TTC34: variants seen among roughly 807,000 people sequenced by gnomAD.
The protein encoded by TTC34 is tetratricopeptide repeat domain 34.
In TTC34, 44 loss-of-function variants were observed where a neutral mutation model predicts 40.7. The ratio of observed to expected loss-of-function variants is 1.08; its 90% confidence interval spans 0.85 to 1.39. TTC34 has a LOEUF of 1.39. TTC34 is among the 40% of genes most tolerant of loss of function. The pLI, the probability that TTC34 is intolerant of heterozygous loss-of-function variation, is 0.00. For missense variants in TTC34, 884 were observed against 838.0 expected (o/e 1.05, Z -0.68); for synonymous variants, 422 against 398.6 (o/e 1.06, Z -0.70).
At chr1:2,691,635 C>A (rs929162866) in intron 6 of TTC34, among the ~76,000 whole-genome samples, 1 of 116,068 alleles carries the variant, frequency 8.6e-6, no homozygotes, top group African/African-American at 3.1e-5. Flanking sequence ...CCCAGGTGCG[C>A]ACGTGACAGC....
chr1:2,677,889 C>T lies in TTC34; in HGVS notation c.2227-32326G>A, dbSNP rs1405519382. On this transcript the variant is annotated intron_variant, in intron 6 of 8. Transcript: ENST00000401095. The stretch of plus-strand genomic sequence containing the variant: ...ATCAGACAGCCTGGAACCGCAGCCA[C>T]ACCCCCAGGCGAGCATCTGACAGCC... Among the ~76,000 whole-genome samples the T allele has an allele frequency of 5.6e-4, 19 of 33,744 alleles. 8 individuals are homozygous for T. The highest frequency in any genetic ancestry group is 6.9e-4 in the Non-Finnish European group (14 of 20,334). 22.1% of individuals were successfully genotyped at this position (33,744 alleles called of 152,430 possible). A position where few individuals can be genotyped will look rare whatever the true frequency, so the allele number is the denominator to read the frequency against.
At position 2,698,972 on chromosome 1, in the gene TTC34, C is replaced by T. The variant is rs540533483; in HGVS notation, c.2227-53409G>A. ...ACAGCCTGGAACATCACCCTGCCCC[C>T]CCAGGTGAGCATCTGACAGCCTGGA... On this transcript the variant is annotated intron_variant, in intron 6 of 8. Transcript: ENST00000401095. Among the ~76,000 whole-genome samples, 13 of 145,902 alleles carry T rather than the reference C, an allele frequency of 8.9e-5. 4 individuals carry two copies. Among genetic ancestry groups the T allele is most frequent in the Middle Eastern group, 7.7e-3 (2 of 260 alleles).
chr1:2,752,537 G>A (rs1641357918), intron 6 of TTC34, among the ~76,000 whole-genome samples: 1 of 125,180 alleles, frequency 8.0e-6, no homozygotes, highest in African/African-American at 3.4e-5. Flanking sequence ...CACATCCCCA[G>A]GTGAGCATCT....
chr1:2,749,475 C>T (rs1641246932), intron 6 of TTC34, among the ~76,000 whole-genome samples: 2 of 109,942 alleles, frequency 1.8e-5, no homozygotes, highest in Non-Finnish European at 1.8e-5. Flanking sequence ...CCTGGAACAG[C>T]ACCCACATCC....
intron 6 of TTC34, among the ~76,000 whole-genome samples, chr1:2,777,804 G>T (rs534608570): frequency 3.9e-5 from 6 of 152,262 alleles, no homozygotes; most frequent in South Asian, 4.1e-4. Flanking sequence ...CAACGTCCTG[G>T]CTGACTTTCC....
intron 6 of TTC34, among the ~76,000 whole-genome samples, chr1:2,688,162 C>CCTG (rs1640454069): frequency 6.6e-6 from 1 of 152,140 alleles, no homozygotes; most frequent in African/African-American, 2.4e-5. Context: ...GGAAGGGCAC[C>CCTG]CACACCCCCA....
In TTC34 at chr1:2,748,878, C is replaced by G. The variant is rs1488284151; in HGVS notation, c.2226+34731G>C. Among the ~76,000 whole-genome samples the G allele has an allele frequency of 4.6e-5, 6 of 131,076 alleles. 1 individual carries two copies. The highest frequency in any genetic ancestry group is 4.7e-5 in the Non-Finnish European group (3 of 63,928). 86.0% of individuals were successfully genotyped at this position (131,076 alleles called of 152,430 possible). On this transcript the variant is annotated intron_variant, in intron 6 of 8. Coordinates refer to ENST00000401095, the Ensembl canonical transcript of TTC34. ...ATCTGATGCTTTGGAGCAGCACCCA[C>G]ACCTTCAGGTGAGCATCTGACAGCC...
At position 2,751,365 on chromosome 1, in the gene TTC34, AC is replaced by A. The variant is rs1641313028; in HGVS notation, c.2226+32243del. Among the ~76,000 whole-genome samples the A allele has an allele frequency of 1.2e-4, 17 of 147,540 alleles. 1 individual carries two copies. The highest frequency in any genetic ancestry group is 2.2e-4 in the Non-Finnish European group (15 of 67,336). The stretch of plus-strand genomic sequence containing the variant: ...TCTGACAGCCTGGGTCGGCACCCAC[AC>A]CCCCAGGTGCGCATCTGATGGTCTG... On this transcript the variant is annotated intron_variant, in intron 6 of 8. Coordinates refer to ENST00000401095, the Ensembl canonical transcript of TTC34.
chr1:2,774,705 C>A (rs1642905768), intron 6 of TTC34: 2 of 107,522 alleles, frequency 1.9e-5, no homozygotes, highest in African/African-American at 3.8e-5. Context: ...CACCCACACC[C>A]CCAGGTGAGC....
intron 6 of TTC34, among the ~76,000 whole-genome samples, chr1:2,691,271 A>G (rs1640605004): frequency 1.1e-5 from 1 of 89,422 alleles, no homozygotes; most frequent in Non-Finnish European, 2.6e-5. Context: ...CCCCCAGGTG[A>G]GAATCCGACA....
At chr1:2,688,084 G>C (rs1178021780) in intron 6 of TTC34, among the ~76,000 whole-genome samples, 157 of 133,504 alleles carry the variant, frequency 1.2e-3, no homozygotes, top group African/African-American at 4.5e-3. Context: ...ACAGCACCCT[G>C]CACCCCCAGG....
intron 6 of TTC34, among the ~76,000 whole-genome samples, chr1:2,681,625 C>T (rs1160156762): frequency 9.2e-5 from 7 of 76,032 alleles, no homozygotes; most frequent in African/African-American, 3.1e-4. Context: ...CGCAGCCACA[C>T]CCCCAGCGAG....
At chr1:2,695,758 C>T (rs563680365) in intron 6 of TTC34, among the ~76,000 whole-genome samples, 118 of 144,176 alleles carry the variant, frequency 8.2e-4, no homozygotes, top group Non-Finnish European at 1.2e-3. Context: ...ACCCACACCC[C>T]CAGGTGAGCA....
intron 6 of TTC34, among the ~76,000 whole-genome samples, chr1:2,660,309 AC>A (rs1451104351): frequency 2.1e-5 from 3 of 142,384 alleles, no homozygotes; most frequent in South Asian, 4.5e-4. Context: ...AGCACCCTGC[AC>A]CCCCAGGTGA....
At position 2,796,080 on chromosome 1, in the gene TTC34, T is replaced by C. The variant is rs1643707598; in HGVS notation, c.784+3964A>G. ...CTTTCGCCTCTTTGCTCTTCTGTCT[T>C]GTGCCAAGTGAGGATGCAGCATTCA... On this transcript the variant is annotated intron_variant, in intron 2 of 8. Transcript: ENST00000401095. The surrounding 1 kb of genome is among the most constrained non-coding windows in gnomAD (Gnocchi z 4.5). 6.6e-6 allele frequency among the ~76,000 whole-genome samples: 1 copy of C among 152,220 alleles called. No individual in the cohort carries two copies. Among genetic ancestry groups the C allele is most frequent in the East Asian group, 1.9e-4 (1 of 5,188 alleles).
At chr1:2,757,648 AC>A (rs1641550625) in intron 6 of TTC34, among the ~76,000 whole-genome samples, 1 of 145,320 alleles carries the variant, frequency 6.9e-6, no homozygotes, top group Non-Finnish European at 1.5e-5. Flanking sequence ...TGAGCATCCG[AC>A]AGCCTGGAGC....
At chr1:2,753,306 G>T (rs1349004105) in intron 6 of TTC34, among the ~76,000 whole-genome samples, 5 of 119,950 alleles carry the variant, frequency 4.2e-5, no homozygotes, top group Admixed American at 1.7e-4. Flanking sequence ...ACCCAGGTGA[G>T]CATCCGACAG....
chr1:2,769,631 C>A (rs1186272819), intron 6 of TTC34, among the ~76,000 whole-genome samples: 2 of 134,314 alleles, frequency 1.5e-5, no homozygotes, highest in South Asian at 2.4e-4. Context: ...GCACCCACAC[C>A]CCCAGGTGAG....
At chr1:2,686,011 C>A (rs1464596872) in intron 6 of TTC34, among the ~76,000 whole-genome samples, 1 of 127,118 alleles carries the variant, frequency 7.9e-6, no homozygotes, top group Non-Finnish European at 1.6e-5. Context: ...CCCAGGTGAG[C>A]ATCTGACAGC....
Sources: allele counts gnomAD v4.1 joint callset (sites outside exome capture counted in the v4.1 genomes callset), GRCh38; gene constraint gnomAD v4.1.1; non-coding constraint Gnocchi (gnomAD v3.1); transcripts MANE v1.5; gene names NCBI Gene and HGNC (gene_info 2026-07-23, HGNC 2026-07-21).